The following BTRC variants were observed in gnomAD, a reference collection of about 807,000 sequenced individuals.
BTRC encodes the protein beta-transducin repeat containing E3 ubiquitin protein ligase.
BTRC carries 42 observed loss-of-function variants against 85.5 expected under a neutral mutation model. The ratio of observed to expected loss-of-function variants is 0.49; its 90% CI spans 0.38 to 0.64. The LOEUF (loss-of-function observed/expected upper bound fraction) is 0.64. Ranked by LOEUF, BTRC falls within the 30% of genes least tolerant of loss-of-function variation. The pLI is 0.00. For synonymous variants in BTRC, 255 were observed against 263.3 expected (o/e 0.97, Z 0.30); for missense variants, 594 against 743.5 (o/e 0.80, Z 2.34).
intron 3 of BTRC, among the ~76,000 whole-genome samples, chr10:101,462,281 A>T (rs978717562): frequency 1.1e-4 from 16 of 152,340 alleles, no homozygotes; most frequent in South Asian, 6.2e-4. Context: ...TGGCATTTTT[A>T]AAAAAGTATA....
chr10:101,417,994 C>T (rs1943991969), intron 1 of BTRC, among the ~76,000 whole-genome samples: 1 of 152,270 alleles, frequency 6.6e-6, no homozygotes, highest in East Asian at 1.9e-4. Context: ...TCATAGATTT[C>T]AACTTTATTC....
chr10:101,379,013 TCTTTC>T (rs894917162), intron 1 of BTRC, among the ~76,000 whole-genome samples: 2 of 152,240 alleles, frequency 1.3e-5, no homozygotes, highest in African/African-American at 4.8e-5. Flanking sequence ...TTACAAGATC[TCTTTC>T]CTTCCTTCTC....
intron 13 of BTRC, among the ~76,000 whole-genome samples, chr10:101,539,722 G>A (rs534495727): frequency 2.6e-5 from 4 of 152,196 alleles, no homozygotes; most frequent in Non-Finnish European, 5.9e-5. Context: ...TATGGTAAGT[G>A]TATGTTTAAA....
At chr10:101,493,298 C>T (rs1946180295) in intron 4 of BTRC, among the ~76,000 whole-genome samples, 1 of 152,166 alleles carries the variant, frequency 6.6e-6, no homozygotes, top group African/African-American at 2.4e-5. Context: ...AGCCTTTTTG[C>T]ACCATTACAG....
At chr10:101,506,019 A>G (rs780933295) in intron 4 of BTRC, among the ~76,000 whole-genome samples, 29 of 152,026 alleles carry the variant, frequency 1.9e-4, no homozygotes, top group Non-Finnish European at 5.9e-5. Flanking sequence ...GATTCAAGCA[A>G]TTCTCCTGCC....
At chr10:101,380,963 AAC>A (rs774566312) in intron 1 of BTRC, among the ~76,000 whole-genome samples, 1 of 152,210 alleles carries the variant, frequency 6.6e-6, no homozygotes, top group African/African-American at 2.4e-5. Context: ...AAGCCATTGT[AAC>A]ACAATGGTAT....
intron 2 of BTRC, among the ~76,000 whole-genome samples, chr10:101,436,668 A>AGATT (rs1554877675): frequency 1.4e-4 from 21 of 151,648 alleles, no homozygotes; most frequent in African/African-American, 2.9e-4. Flanking sequence ...ATAGATAGAT[A>AGATT]GATTTATATG....
At chr10:101,366,883 T>TTA (rs1210824212) in intron 1 of BTRC, among the ~76,000 whole-genome samples, 1 of 27,530 alleles carries the variant, frequency 3.6e-5, no homozygotes, top group African/African-American at 9.5e-5. Context: ...TATATTTATA[T>TTA]ATATTTATAT....
At chr10:101,355,955 G>C (rs569997448) in intron 1 of BTRC, among the ~76,000 whole-genome samples, 104 of 152,182 alleles carry the variant, frequency 6.8e-4, no homozygotes, top group Non-Finnish European at 1.0e-3. Context: ...GTAAGTGAAA[G>C]TTACTACACT....
At chr10:101,527,819 C>A (rs919685204) in intron 6 of BTRC, among the ~76,000 whole-genome samples, 37 of 151,444 alleles carry the variant, frequency 2.4e-4, no homozygotes, top group African/African-American at 8.3e-4. Context: ...CACACACACA[C>A]AAAAGAATAT....
At chr10:101,510,972 T>G (rs999313423) in intron 4 of BTRC, among the ~76,000 whole-genome samples, 2 of 152,222 alleles carry the variant, frequency 1.3e-5, no homozygotes, top group African/African-American at 4.8e-5. Context: ...CAACTTGCTC[T>G]TATTATCCCC....
chr10:101,476,948 A>G (rs543293826), intron 3 of BTRC, among the ~76,000 whole-genome samples: 3 of 152,050 alleles, frequency 2.0e-5, no homozygotes, highest in African/African-American at 7.2e-5. Context: ...GCAAATGTTC[A>G]GAAGCTCTGG....
chr10:101,364,169 C>G lies in BTRC; in HGVS notation c.48+9941C>G, dbSNP rs552014705. Among the ~76,000 whole-genome samples, 3 of 152,232 alleles carry G rather than the reference C, an allele frequency of 2.0e-5. No homozygotes were observed. In the South Asian group the frequency reaches 6.2e-4, roughly 32 times the overall value. ...ACTATTGTGCTTTCTTCTTTCTGCT[C>G]TCTATTGTTGACACTCTCCTGATAG... On this transcript the variant is annotated intron_variant, in intron 1 of 14. Transcript: ENST00000370187.
At chr10:101,498,290 A>G (rs1371816972) in intron 4 of BTRC, among the ~76,000 whole-genome samples, 1 of 151,844 alleles carries the variant, frequency 6.6e-6, no homozygotes, top group Non-Finnish European at 1.5e-5. Context: ...AGTAGCTGGG[A>G]CCACAGACAT....
At chr10:101,372,446 G>A (rs1218321645) in intron 1 of BTRC, among the ~76,000 whole-genome samples, 1 of 149,178 alleles carries the variant, frequency 6.7e-6, no homozygotes, top group Non-Finnish European at 1.5e-5. Flanking sequence ...GTAGAGACGG[G>A]GTTTCACCAT....
intron 2 of BTRC, among the ~76,000 whole-genome samples, chr10:101,460,971 C>T (rs967753249): frequency 6.6e-6 from 1 of 151,528 alleles, no homozygotes; most frequent in East Asian, 1.9e-4. Flanking sequence ...GGTGTGATCT[C>T]GGCTCACTGC....
intron 2 of BTRC, among the ~76,000 whole-genome samples, chr10:101,445,868 G>A (rs1445924045): frequency 6.6e-6 from 1 of 152,164 alleles, no homozygotes; most frequent in East Asian, 1.9e-4. Flanking sequence ...CTTAATGACG[G>A]GGAGGGTGTT....
At chr10:101,392,469 A>G (rs556057003) in intron 1 of BTRC, among the ~76,000 whole-genome samples, 30 of 152,290 alleles carry the variant, frequency 2.0e-4, no homozygotes, top group African/African-American at 7.0e-4. Context: ...TTTTTAAACT[A>G]AAAATTAATT....
chr10:101,515,926 A>G (rs765270704), intron 4 of BTRC, among the ~76,000 whole-genome samples: 1 of 152,180 alleles, frequency 6.6e-6, no homozygotes, highest in African/African-American at 2.4e-5. Context: ...AGTCACTCTC[A>G]GGGTGACTAG....
Sources: allele counts gnomAD v4.1 joint callset (sites outside exome capture counted in the v4.1 genomes callset), GRCh38; gene constraint gnomAD v4.1.1; transcripts MANE v1.5; gene names NCBI Gene and HGNC (gene_info 2026-07-23, HGNC 2026-07-21).